PCBP3: variants seen among roughly 807,000 people sequenced by gnomAD.
PCBP3 encodes poly(rC) binding protein 3, also known as poly(rC)-binding protein 3.
In PCBP3, 25 loss-of-function variants were observed where a neutral mutation model predicts 52.7. The ratio of observed to expected loss-of-function variants is 0.47; its 90% CI spans 0.35 to 0.66. PCBP3 has a LOEUF of 0.66. Among genes scored for constraint, PCBP3 ranks in the 30% least tolerant of loss-of-function variants. PCBP3 has a pLI of 0.01. For synonymous variants in PCBP3, 162 were observed against 183.0 expected, an observed-to-expected ratio of 0.89 and a Z score of 0.93; for missense variants, 391 against 490.3, an observed-to-expected ratio of 0.80 and a Z score of 1.91.
intron 2 of PCBP3, among the ~76,000 whole-genome samples, chr21:45,673,152 C>T (rs951430289): frequency 6.6e-6 from 1 of 152,146 alleles, no homozygotes; most frequent in Non-Finnish European, 1.5e-5. Flanking sequence ...TAATTTATTT[C>T]TGTTGAAATA....
intron 2 of PCBP3, among the ~76,000 whole-genome samples, chr21:45,700,062 G>A (rs908754475): frequency 1.3e-5 from 2 of 152,136 alleles, no homozygotes; most frequent in Non-Finnish European, 2.9e-5. Flanking sequence ...TTTCATTTCT[G>A]TAGTCAAGAA....
At chr21:45,795,579 C>G (rs1449615096) in intron 4 of PCBP3, among the ~76,000 whole-genome samples, 3 of 151,988 alleles carry the variant, frequency 2.0e-5, no homozygotes, top group Non-Finnish European at 4.4e-5. Context: ...GAATGTTGCA[C>G]GTCAAACATG....
At chr21:45,826,824 G>A (rs1410822457) in intron 4 of PCBP3, among the ~76,000 whole-genome samples, 1 of 152,182 alleles carries the variant, frequency 6.6e-6, no homozygotes, top group East Asian at 1.9e-4. Flanking sequence ...CAGAGGAGGA[G>A]GAAAGGGGCA....
chr21:45,881,418 G>A (rs1481636097), intron 5 of PCBP3, among the ~76,000 whole-genome samples: 1 of 152,058 alleles, frequency 6.6e-6, no homozygotes, highest in Non-Finnish European at 1.5e-5. Flanking sequence ...CTGTCTCCCA[G>A]GAGTTGAGAC....
chr21:45,717,807 T>G (rs140969649), intron 2 of PCBP3, among the ~76,000 whole-genome samples: 1 of 152,328 alleles, frequency 6.6e-6, no homozygotes, highest in East Asian at 1.9e-4. Context: ...CTTGATGTCT[T>G]TGTTTGGGTT....
chr21:45,757,837 T>A (rs1049924213), intron 4 of PCBP3, among the ~76,000 whole-genome samples: 2 of 152,106 alleles, frequency 1.3e-5, no homozygotes, highest in African/African-American at 2.4e-5. Context: ...TCACCATAGA[T>A]GGGAGGGTTT....
chr21:45,685,159 T>C (rs2082079129), intron 2 of PCBP3, among the ~76,000 whole-genome samples: 1 of 152,158 alleles, frequency 6.6e-6, no homozygotes, highest in Non-Finnish European at 1.5e-5. Context: ...ACAAATAATA[T>C]ATGATTCCAC....
Position 45,793,084 on chromosome 21 carries a change from T to C in PCBP3, c.-126+37632T>C, listed in dbSNP as rs540016372. 4.6e-5 allele frequency among the ~76,000 whole-genome samples: 7 copies of C among 152,208 alleles called. No homozygotes were observed. In the East Asian group the frequency reaches 1.2e-3, roughly 25 times the overall value. Reference sequence around the variant, plus strand: ...CAACAAGCTGGGAACCACAGCACGCTGGAGGGAAACCAGCAGCAGGAGAAA... The same window carrying C: ...CAACAAGCTGGGAACCACAGCACGCCGGAGGGAAACCAGCAGCAGGAGAAA... On this transcript the variant is annotated intron_variant, in intron 4 of 17. Transcript: ENST00000681687.
intron 14 of PCBP3, among the ~76,000 whole-genome samples, chr21:45,930,226 T>G (rs1312176678): frequency 6.6e-6 from 1 of 152,196 alleles, no homozygotes; most frequent in East Asian, 1.9e-4. Context: ...ACAGCTGGCC[T>G]TGCCATAGCC....
chr21:45,699,023 T>C lies in PCBP3; in HGVS notation c.-200+30071T>C, dbSNP rs539899598. On this transcript the variant is annotated intron_variant, in intron 2 of 17. Coordinates refer to ENST00000681687, the MANE Select transcript of PCBP3 (RefSeq NM_001384156.1). ...AACAGGTGATTCTGTTTATTGGAGCTGTGCTATTTAAAGACCAGCTTGCTC... is the reference window on the plus strand; with the variant it reads ...AACAGGTGATTCTGTTTATTGGAGCCGTGCTATTTAAAGACCAGCTTGCTC... 5.3e-5 allele frequency among the ~76,000 whole-genome samples: 8 copies of C among 152,346 alleles called. No homozygotes were observed. The South Asian group carries it at 1.7e-3, about 32-fold the overall frequency.
chr21:45,911,007 C>G lies in PCBP3; in HGVS notation c.577C>G (p.Gln193Glu), dbSNP rs1247491454. 1.6e-5 allele frequency: 26 copies of G among 1,611,406 alleles called. No homozygotes were observed. The highest frequency in any genetic ancestry group is 1.6e-4 in the Middle Eastern group (1 of 6,062). Residue 193 changes from glutamine (Q) to glutamate (E), a missense_variant, in exon 11 of 18, where the codon CAG becomes GAG. Coordinates refer to ENST00000681687, the MANE Select transcript of PCBP3 (RefSeq NM_001384156.1). Reference sequence around the variant, plus strand: ...AGATGCCATCATCCAGTGCGTCAAGCAGATCTGTGTGGTCATGCTGGAGGT... The same window carrying G: ...AGATGCCATCATCCAGTGCGTCAAGGAGATCTGTGTGGTCATGCTGGAGGT... ...TPDAIIQCVK[Q>E]ICVVMLESPP... is the part of the protein sequence containing the mutation.
intron 2 of PCBP3, among the ~76,000 whole-genome samples, chr21:45,674,257 A>G (rs574418032): frequency 2.0e-5 from 3 of 152,324 alleles, no homozygotes; most frequent in African/African-American, 4.8e-5. Flanking sequence ...AGACCAATTC[A>G]TTGTAAGTTT....
At chr21:45,940,009 T>C (rs748204284) in intron 16 of PCBP3, 21 bp from the exon 17 acceptor site, 3 of 1,607,288 alleles carry the variant, frequency 1.9e-6, no homozygotes, top group Non-Finnish European at 2.6e-6. Flanking sequence ...CTCTAAGAAA[T>C]CCCCCCGTCC....
Position 45,940,166 on chromosome 21 carries a change from A to G in PCBP3, c.1046A>G (p.Asn349Ser), listed in dbSNP as rs2077303838. The G allele has an allele frequency of 1.2e-6, 2 of 1,613,928 alleles. No individual in the cohort carries two copies. Among genetic ancestry groups the G allele is most frequent in the African/African-American group, 2.7e-5 (2 of 74,952 alleles). Residue 349 changes from asparagine (N) to serine (S), a missense_variant, in exon 17 of 18, where the codon AAC becomes AGC. By Grantham distance (46) the Asn-to-Ser change is conservative (BLOSUM62 1). Coordinates refer to ENST00000681687, the MANE Select transcript of PCBP3 (RefSeq NM_001384156.1). ...RQITITGTPANISLAQYLINA... is the reference protein window; with the variant it reads ...RQITITGTPASISLAQYLINA... ...ATCACCATCACGGGGACCCCGGCCA[A>G]CATCAGCCTTGCCCAGTATCTCATC...
At chr21:45,764,119 C>CTTTTTTTTTTTTTTTT (rs71185167) in intron 4 of PCBP3, among the ~76,000 whole-genome samples, 3 of 119,786 alleles carry the variant, frequency 2.5e-5, no homozygotes, top group Non-Finnish European at 5.3e-5. Flanking sequence ...TTTTTTTTTT[C>CTTTTTTTTTTTTTTTT]TTTTTTTTTT....
chr21:45,688,636 A>G (rs944559317), intron 2 of PCBP3, among the ~76,000 whole-genome samples: 8 of 152,136 alleles, frequency 5.3e-5, no homozygotes, highest in African/African-American at 1.9e-4. Context: ...ATAAAGATCA[A>G]TAAAATGAAA....
At chr21:45,848,607 C>T (rs565433773) in intron 4 of PCBP3, among the ~76,000 whole-genome samples, 46 of 152,302 alleles carry the variant, frequency 3.0e-4, no homozygotes, top group African/African-American at 1.0e-3. Context: ...CATTTCTAGG[C>T]TAATTGTGTC....
In PCBP3 at chr21:45,791,100, GTGGCGAAGGTGCAGAGA is replaced by G. The variant is rs1383669108; in HGVS notation, c.-126+35652_-126+35668del. Reference sequence around the variant, plus strand: ...GGCCCACCGAGGCCAGCATCTTGCAGTGGCGAAGGTGCAGAGATGGTGGGGTCCATCCCAGGAAGCCC... The same window carrying G: ...GGCCCACCGAGGCCAGCATCTTGCAGTGGTGGGGTCCATCCCAGGAAGCCC... On this transcript the variant is annotated intron_variant, in intron 4 of 17. Transcript: ENST00000681687. This position sits in a 1 kb window ranked among gnomAD's most constrained non-coding sequence, Gnocchi z 4.2. Among the ~76,000 whole-genome samples, 1 of 152,192 alleles carries G rather than the reference GTGGCGAAGGTGCAGAGA, an allele frequency of 6.6e-6. No individual in the cohort carries two copies.
intron 4 of PCBP3, among the ~76,000 whole-genome samples, chr21:45,765,427 G>C (rs1208804950): frequency 6.6e-6 from 1 of 152,206 alleles, no homozygotes; most frequent in Non-Finnish European, 1.5e-5. Flanking sequence ...AGTTAAATAG[G>C]AGGACAGCTC....
Sources: gnomAD v4.1 joint callset for allele counts (sites outside exome capture counted in the v4.1 genomes callset) on GRCh38, gnomAD v4.1.1 for gene constraint, Gnocchi (gnomAD v3.1) non-coding constraint, MANE v1.5 for transcripts, NCBI Gene and HGNC (gene_info 2026-07-23, HGNC 2026-07-21) for gene names.